The following LIPA variants were observed in gnomAD, a reference collection of about 807,000 sequenced individuals.
LIPA encodes lipase A, lysosomal acid type, also known as lysosomal acid lipase/cholesteryl ester hydrolase.
Under a neutral mutation model 40.6 loss-of-function variants are expected in LIPA, and 26 were observed. The ratio of observed to expected loss-of-function variants is 0.64; its 90% confidence interval spans 0.47 to 0.89. LIPA has a LOEUF of 0.89. Among genes scored for constraint, LIPA ranks in the 40% least tolerant of loss-of-function variants. LIPA has a pLI of 0.00. For missense variants in LIPA, 455 were observed against 479.6 expected (o/e 0.95, Z 0.48); for synonymous variants, 188 against 168.4 (o/e 1.12, Z -0.90).
chr10:89,399,050 T>TA (rs1554881068), intron 2 of LIPA, among the ~76,000 whole-genome samples: 101 of 152,284 alleles, frequency 6.6e-4, no homozygotes, highest in Middle Eastern at 3.4e-3. Flanking sequence ...GCTTTTTTTT[T>TA]AAAATAATAG....
chr10:89,394,655 A>C (rs1240033892), intron 2 of LIPA, among the ~76,000 whole-genome samples: 1 of 144,114 alleles, frequency 6.9e-6, no homozygotes, highest in Non-Finnish European at 1.5e-5. Context: ...CAGGTTAGCA[A>C]TGTGATTTTT....
upstream of LIPA, among the ~76,000 whole-genome samples, chr10:89,346,215 A>G (rs1021938959): frequency 2.0e-5 from 3 of 152,230 alleles, no homozygotes; most frequent in African/African-American, 7.2e-5. Flanking sequence ...AGTTGTAAAA[A>G]TGGTGCCCAG....
At chr10:89,389,273 A>C (rs1057250100) in intron 2 of LIPA, among the ~76,000 whole-genome samples, 5 of 152,244 alleles carry the variant, frequency 3.3e-5, no homozygotes, top group African/African-American at 4.8e-5. Flanking sequence ...AAATGGATTG[A>C]TCGATTCAGT....
intron 1 of LIPA, among the ~76,000 whole-genome samples, chr10:89,320,671 C>G (rs921882823): frequency 6.6e-6 from 1 of 152,158 alleles, no homozygotes; most frequent in East Asian, 1.9e-4. Context: ...TCATGCCATC[C>G]CCATCAAACT....
intron 2 of LIPA, among the ~76,000 whole-genome samples, chr10:89,390,157 T>C (rs1014181763): frequency 6.6e-6 from 1 of 152,022 alleles, no homozygotes; most frequent in Non-Finnish European, 1.5e-5. Context: ...CGGCTAATTA[T>C]GTATTTTTAG....
At chr10:89,235,566 T>G (rs1842894593) in intron 3 of LIPA, among the ~76,000 whole-genome samples, 1 of 152,160 alleles carries the variant, frequency 6.6e-6, no homozygotes, top group African/African-American at 2.4e-5. Flanking sequence ...GAGCCCACAG[T>G]CCCGCAGGAG....
intron 2 of LIPA, among the ~76,000 whole-genome samples, chr10:89,352,601 C>T (rs921000690): frequency 2.6e-5 from 4 of 151,948 alleles, no homozygotes; most frequent in African/African-American, 9.7e-5. Flanking sequence ...TTGTAACTGC[C>T]CAAGGGTTTT....
At chr10:89,353,567 T>C (rs749935773) in intron 2 of LIPA, among the ~76,000 whole-genome samples, 4 of 151,678 alleles carry the variant, frequency 2.6e-5, no homozygotes, top group Non-Finnish European at 5.9e-5. Context: ...GTGGGCAAAT[T>C]GTGAAGGAAG....
intron 2 of LIPA, among the ~76,000 whole-genome samples, chr10:89,379,411 G>T (rs908422802): frequency 6.6e-6 from 1 of 152,058 alleles, no homozygotes; most frequent in Admixed American, 6.6e-5. Context: ...CATTATACTA[G>T]ATGTTAGAAA....
upstream of LIPA, among the ~76,000 whole-genome samples, chr10:89,254,833 T>C (rs1843172801): frequency 1.3e-5 from 2 of 152,300 alleles, no homozygotes; most frequent in South Asian, 2.1e-4. Context: ...AAGTTCAAAG[T>C]TTCACAAATC....
intron 2 of LIPA, chr10:89,404,011 G>T: frequency 8.3e-6 from 2 of 241,482 alleles, no homozygotes; most frequent in South Asian, 2.7e-4. Context: ...TCATTTTATT[G>T]TGAAATAAAA....
At chr10:89,341,124 C>G (rs531115116) in intron 1 of LIPA, among the ~76,000 whole-genome samples, 10 of 152,326 alleles carry the variant, frequency 6.6e-5, no homozygotes, top group Non-Finnish European at 1.2e-4. Flanking sequence ...ACACCCTCCC[C>G]CTGAAGGCAG....
chr10:89,215,940 G>A lies in LIPA; in HGVS notation c.964C>T (p.Gln322Ter). ...SSAKNYFHYN[Q>*]SYPPTYNVKD... ...AATGAAAAGACTAAAAACTTTACCT[G>A]GTTGTAATGAAAATAATTCTTGGCA... Residue 322 changes from glutamine (Q) to a stop codon, truncating the protein, a stop_gained and splice_region_variant, in exon 9 of 10, where the codon CAG becomes TAG. Coordinates refer to ENST00000336233, the MANE Select transcript of LIPA (RefSeq NM_000235.4). LOFTEE classifies it low-confidence loss of function (END_TRUNC). The A allele has an allele frequency of 6.2e-7, 1 of 1,602,644 alleles. No homozygotes were observed. Among genetic ancestry groups the A allele is most frequent in the Non-Finnish European group, 8.5e-7 (1 of 1,169,632 alleles).
intron 1 of LIPA, chr10:89,340,038 T>C (rs1843836146): frequency 6.2e-7 from 1 of 1,614,046 alleles, no homozygotes; most frequent in African/African-American, 1.3e-5. Flanking sequence ...TGTCAGCATC[T>C]GAGCTTGAGG....
At chr10:89,295,391 A>G (rs577754780) in intron 1 of LIPA, among the ~76,000 whole-genome samples, 6 of 152,366 alleles carry the variant, frequency 3.9e-5, no homozygotes, top group Non-Finnish European at 8.8e-5. Context: ...TCAAGGAAAA[A>G]GCATAGAGTT....
chr10:89,301,955 A>T, intron 1 of LIPA: 1 of 545,270 alleles, frequency 1.8e-6, no homozygotes, highest in Non-Finnish European at 3.2e-6. Context: ...TTCTAGTTTC[A>T]CTTTCCCTTT....
intron 2 of LIPA, among the ~76,000 whole-genome samples, chr10:89,373,014 T>C (rs1315831144): frequency 6.6e-6 from 1 of 152,136 alleles, no homozygotes; most frequent in Non-Finnish European, 1.5e-5. Context: ...TGTAAAACAA[T>C]GAAAGCACAG....
At chr10:89,281,307 T>G (rs1843313417) in intron 1 of LIPA, among the ~76,000 whole-genome samples, 1 of 152,208 alleles carries the variant, frequency 6.6e-6, no homozygotes, top group South Asian at 2.1e-4. Context: ...TTCCCAGGCC[T>G]TGATATCTAA....
chr10:89,395,393 C>T (rs1844327548), intron 2 of LIPA, among the ~76,000 whole-genome samples: 1 of 152,192 alleles, frequency 6.6e-6, no homozygotes, highest in African/African-American at 2.4e-5. Context: ...TCAATGGCTC[C>T]CCCTTTCCCA....
Sources: allele counts gnomAD v4.1 joint callset (sites outside exome capture counted in the v4.1 genomes callset), GRCh38; gene constraint gnomAD v4.1.1; transcripts MANE v1.5; gene names NCBI Gene and HGNC (gene_info 2026-07-23, HGNC 2026-07-21).